Variants in FBXO31 observed in about 807,000 individuals in gnomAD.
FBXO31 encodes the protein F-box only protein 31.
In FBXO31, 24 loss-of-function variants were observed where a neutral mutation model predicts 54.4. The ratio of observed to expected loss-of-function variants is 0.44; its 90% CI spans 0.32 to 0.62. FBXO31 has a LOEUF of 0.62. Ranked by LOEUF, FBXO31 falls within the 20% of genes least tolerant of loss-of-function variation. The pLI, the probability that FBXO31 is intolerant of heterozygous loss-of-function variation, is 0.05. For missense variants in FBXO31, 665 were observed against 787.1 expected (o/e 0.84, Z 1.86); for synonymous variants, 388 against 335.6 (o/e 1.16, Z -1.71).
At chr16:87,350,796 G>A (rs561662323) in intron 2 of FBXO31, among the ~76,000 whole-genome samples, 2 of 151,740 alleles carry the variant, frequency 1.3e-5, no homozygotes, top group African/African-American at 2.4e-5. Flanking sequence ...TAAGTGCTAG[G>A]AACACTGCCC....
At chr16:87,356,825 G>A (rs1172377366) in intron 2 of FBXO31, among the ~76,000 whole-genome samples, 1 of 152,230 alleles carries the variant, frequency 6.6e-6, no homozygotes, top group Non-Finnish European at 1.5e-5. Flanking sequence ...ACTGAAAGCA[G>A]TAGTAGGGGC....
intron 1 of FBXO31, among the ~76,000 whole-genome samples, chr16:87,369,417 C>T (rs529215491): frequency 2.4e-4 from 37 of 152,326 alleles, no homozygotes; most frequent in African/African-American, 8.7e-4. Context: ...TAAGACACCT[C>T]ATCCAAGTGG....
At position 87,342,698 on chromosome 16, in the gene FBXO31, T is replaced by C. The variant is rs374946149; in HGVS notation, c.732+179A>G. Reference sequence around the variant, plus strand: ...ACCGGCAACCTGCCCGCCCGCACGATGCTGTTCCTCGAGTGTGCCGGATGC... The same window carrying C: ...ACCGGCAACCTGCCCGCCCGCACGACGCTGTTCCTCGAGTGTGCCGGATGC... On this transcript the variant is annotated intron_variant, in intron 5 of 8. Coordinates refer to ENST00000311635, the MANE Select transcript of FBXO31 (RefSeq NM_024735.5). 3.9e-5 allele frequency among the ~76,000 whole-genome samples: 6 copies of C among 152,342 alleles called. No homozygotes were observed. The East Asian group carries it at 1.2e-3, about 29-fold the overall frequency.
rs1194215119 is a variant in FBXO31 at position 87,329,974 on chromosome 16, G to A, written c.*1314C>T. 1 of 152,350 alleles carries A rather than the reference G, an allele frequency of 6.6e-6. No individual in the cohort carries two copies. Among genetic ancestry groups the A allele is most frequent in the African/African-American group, 2.4e-5 (1 of 41,472 alleles). The allele number at this position is 152,350 out of a possible 1,614,324, so 9.4% of individuals were successfully genotyped here. ...GGCACACAGACTGTCACCTTCCCGA[G>A]GTCCCTCACCAGCAGGACGTGTCCA... On this transcript the variant is annotated 3_prime_UTR_variant, in exon 9 of 9. Coordinates refer to ENST00000311635, the MANE Select transcript of FBXO31 (RefSeq NM_024735.5).
In FBXO31 at chr16:87,327,952, G is replaced by A. The variant is rs1403188356; in HGVS notation, c.*3336C>T. On this transcript the variant is annotated 3_prime_UTR_variant, in exon 9 of 9. Transcript: ENST00000311635. ...GCTGCTTTCTGCAGCACCTTGGACG[G>A]TGGACCACAGCTCAGCATCTCCTGT... 1 of 152,234 alleles carries A rather than the reference G, an allele frequency of 6.6e-6. No individual in the cohort carries two copies. The highest frequency in any genetic ancestry group is 2.4e-5 in the African/African-American group (1 of 41,436). The allele number at this position is 152,234 out of a possible 1,614,324, so 9.4% of individuals were successfully genotyped here.
intron 2 of FBXO31, among the ~76,000 whole-genome samples, chr16:87,357,574 T>C (rs1905952318): frequency 6.6e-6 from 1 of 152,052 alleles, no homozygotes; most frequent in Non-Finnish European, 1.5e-5. Flanking sequence ...ATGATCCACC[T>C]GCCTCGGCCT....
chr16:87,366,356 G>T (rs1192618388), intron 1 of FBXO31, among the ~76,000 whole-genome samples: 1 of 152,144 alleles, frequency 6.6e-6, no homozygotes, highest in Admixed American at 6.5e-5. Context: ...ATAATATTTA[G>T]TTTATTTAGG....
chr16:87,341,829 T>G (rs193302553), intron 5 of FBXO31, among the ~76,000 whole-genome samples: 88 of 152,318 alleles, frequency 5.8e-4, no homozygotes, highest in African/African-American at 2.1e-3. Context: ...TTGCAAAGAA[T>G]TCCGAGAAAC....
intron 1 of FBXO31, among the ~76,000 whole-genome samples, chr16:87,381,048 C>T (rs896494041): frequency 5.3e-5 from 8 of 152,194 alleles, no homozygotes; most frequent in African/African-American, 1.9e-4. Flanking sequence ...CAAAGCACAA[C>T]GACACATCCT....
chr16:87,392,058 G>C (rs1288672048), upstream of FBXO31: 1 of 206,924 alleles, frequency 4.8e-6, no homozygotes. Flanking sequence ...CAGACCCGGG[G>C]TGCGGCCCAG....
At position 87,383,385 on chromosome 16, in the gene FBXO31, C is replaced by A. The variant is rs1567492316; in HGVS notation, c.340+20G>T. On this transcript the variant is annotated intron_variant, in intron 1 of 8. Coordinates refer to ENST00000311635, the MANE Select transcript of FBXO31 (RefSeq NM_024735.5). This position sits in a 1 kb window ranked among gnomAD's most constrained non-coding sequence, Gnocchi z 4.9. ...AGGGACCCCCCGCCCCTCCCGGCCCCGCCACCCCCGCGCGCTCACCCTCAC... is the reference window on the plus strand; with the variant it reads ...AGGGACCCCCCGCCCCTCCCGGCCCAGCCACCCCCGCGCGCTCACCCTCAC... 6.6e-7 allele frequency: 1 copy of A among 1,518,194 alleles called. No homozygotes were observed. The highest frequency in any genetic ancestry group is 8.8e-7 in the Non-Finnish European group (1 of 1,130,206). The allele number at this position is 1,518,194 out of a possible 1,614,324, so 94.0% of individuals were successfully genotyped here. A position where few individuals can be genotyped will look rare whatever the true frequency, so the allele number is the denominator to read the frequency against.
At chr16:87,370,448 G>A (rs945903039) in intron 1 of FBXO31, among the ~76,000 whole-genome samples, 38 of 152,374 alleles carry the variant, frequency 2.5e-4, no homozygotes, top group African/African-American at 8.9e-4. Context: ...GCAGGTGCCT[G>A]AGTGTGGAGA....
At position 87,346,947 on chromosome 16, in the gene FBXO31, A is replaced by T. The variant is rs944155034; in HGVS notation, c.489+227T>A. Among the ~76,000 whole-genome samples, 1 of 152,264 alleles carries T rather than the reference A, an allele frequency of 6.6e-6. No individual in the cohort carries two copies. The highest frequency in any genetic ancestry group is 1.9e-4 in the East Asian group (1 of 5,202). ...CACAAGCCACCCCCTCAGACCAGAGAGTCCAAGGACGGGCCACAAGGCCGA... is the reference window on the plus strand; with the variant it reads ...CACAAGCCACCCCCTCAGACCAGAGTGTCCAAGGACGGGCCACAAGGCCGA... On this transcript the variant is annotated intron_variant, in intron 3 of 8. Coordinates refer to ENST00000311635, the MANE Select transcript of FBXO31 (RefSeq NM_024735.5). This position sits in a 1 kb window ranked among gnomAD's most constrained non-coding sequence, Gnocchi z 4.2.
intron 2 of FBXO31, among the ~76,000 whole-genome samples, chr16:87,349,597 G>C (rs1048881900): frequency 3.3e-5 from 5 of 152,138 alleles, no homozygotes; most frequent in African/African-American, 4.8e-5. Flanking sequence ...TGTAATCCCA[G>C]CTACTCGGGA....
rs1416415741 is a variant in FBXO31 at position 87,345,005 on chromosome 16, C to T, written c.490-1240G>A. On this transcript the variant is annotated intron_variant, in intron 3 of 8. Transcript: ENST00000311635. This position sits in a 1 kb window ranked among gnomAD's most constrained non-coding sequence, Gnocchi z 4.9. ...CCCCGAACCCCACCTGGGGGCAGAG[C>T]CCATCCCTGCCCCGAACCCCACCTG... Among the ~76,000 whole-genome samples the T allele has an allele frequency of 6.6e-6, 1 of 151,208 alleles. No individual in the cohort carries two copies. Among genetic ancestry groups the T allele is most frequent in the Non-Finnish European group, 1.5e-5 (1 of 67,604 alleles).
chr16:87,383,913 GC>G (rs1313475687), upstream of FBXO31: 1 of 384,298 alleles, frequency 2.6e-6, no homozygotes, highest in Non-Finnish European at 4.0e-6. This position sits in a 1 kb window ranked among gnomAD's most constrained non-coding sequence, Gnocchi z 4.9. Flanking sequence ...TCCCCGCGGG[GC>G]GGCGACCTCA....
intron 5 of FBXO31, among the ~76,000 whole-genome samples, chr16:87,341,294 CTTTTT>C (rs1905185932): frequency 6.6e-6 from 1 of 152,132 alleles, no homozygotes. Flanking sequence ...ATATGGTTTT[CTTTTT>C]TAAGGGCTCA....
intron 2 of FBXO31, among the ~76,000 whole-genome samples, chr16:87,356,562 T>C (rs1905900634): frequency 1.3e-5 from 2 of 152,106 alleles, no homozygotes; most frequent in South Asian, 4.1e-4. Context: ...TTAGCAGGCG[T>C]GTAAAGGGTT....
intron 5 of FBXO31, among the ~76,000 whole-genome samples, chr16:87,340,118 G>A (rs745877942): frequency 3.3e-5 from 5 of 152,122 alleles, no homozygotes; most frequent in Non-Finnish European, 5.9e-5. Context: ...ACCTGTCTCC[G>A]CTAAAAATAT....
Sources: gnomAD v4.1 joint callset for allele counts (sites outside exome capture counted in the v4.1 genomes callset) on GRCh38, gnomAD v4.1.1 for gene constraint, Gnocchi (gnomAD v3.1) non-coding constraint, MANE v1.5 for transcripts, NCBI Gene and HGNC (gene_info 2026-07-23, HGNC 2026-07-21) for gene names.